The following NCKAP5 variants were observed in gnomAD, a reference collection of about 807,000 sequenced individuals.
The protein encoded by NCKAP5 is NCK associated protein 5.
NCKAP5 carries 92 observed loss-of-function variants against 167.0 expected under a neutral mutation model. That is an observed-to-expected ratio of 0.55 (90% CI 0.47 to 0.66). The LOEUF is 0.66. NCKAP5 is among the 30% of genes least tolerant of loss of function. The pLI is 0.00. For missense variants in NCKAP5, 2,378 were observed against 2,315.0 expected, an observed-to-expected ratio of 1.03 and a Z score of -0.56; for synonymous variants, 891 against 877.4, an observed-to-expected ratio of 1.02 and a Z score of -0.27.
chr2:133,443,722 G>T (rs1001005837), intron 3 of NCKAP5, among the ~76,000 whole-genome samples: 1 of 152,144 alleles, frequency 6.6e-6, no homozygotes, highest in Non-Finnish European at 1.5e-5. Flanking sequence ...CTTCAAACCT[G>T]CTCTTTCTTC....
chr2:133,019,877 G>A (rs928569327), intron 6 of NCKAP5, among the ~76,000 whole-genome samples: 2 of 152,216 alleles, frequency 1.3e-5, no homozygotes, highest in African/African-American at 4.8e-5. Flanking sequence ...CTTCCTTAGT[G>A]AAATCTGACA....
chr2:133,439,156 C>T (rs567661193), intron 3 of NCKAP5, among the ~76,000 whole-genome samples: 2 of 152,258 alleles, frequency 1.3e-5, no homozygotes, highest in Non-Finnish European at 2.9e-5. Context: ...ATCCTGATCT[C>T]GGGATATTAC....
chr2:132,938,940 G>A (rs1031870040), intron 8 of NCKAP5, among the ~76,000 whole-genome samples: 2 of 152,068 alleles, frequency 1.3e-5, no homozygotes, highest in Non-Finnish European at 2.9e-5. Flanking sequence ...ACATTCAAAT[G>A]TTTGAAAATT....
chr2:133,206,001 A>G (rs954037093), intron 5 of NCKAP5, among the ~76,000 whole-genome samples: 5 of 152,202 alleles, frequency 3.3e-5, no homozygotes, highest in Non-Finnish European at 7.3e-5. Flanking sequence ...TTACTTGCAA[A>G]TAATCTAAAC....
chr2:132,839,783 C>T (rs1267734250), intron 11 of NCKAP5, among the ~76,000 whole-genome samples: 2 of 134,000 alleles, frequency 1.5e-5, no homozygotes, highest in Non-Finnish European at 3.2e-5. Context: ...AAAAAAAAGG[C>T]GCAAATAACT....
chr2:133,049,285 C>T (rs896964767), intron 6 of NCKAP5, among the ~76,000 whole-genome samples: 1 of 152,184 alleles, frequency 6.6e-6, no homozygotes, highest in African/African-American at 2.4e-5. Flanking sequence ...GTGGCTCACA[C>T]CTGTAATCCC....
chr2:133,369,212 A>G (rs1685643895), intron 3 of NCKAP5, among the ~76,000 whole-genome samples: 2 of 152,240 alleles, frequency 1.3e-5, no homozygotes, highest in South Asian at 4.1e-4. Flanking sequence ...TGAATGTTCC[A>G]GAAGTGGCAT....
chr2:133,177,789 A>G (rs77937209), intron 5 of NCKAP5, among the ~76,000 whole-genome samples: 2,293 of 152,154 alleles, frequency 0.015, 63 homozygotes, highest in African/African-American at 0.052. Context: ...CATCCCCACA[A>G]TGTAAGTGGA....
At chr2:133,341,986 T>G (rs1225053951) in intron 3 of NCKAP5, among the ~76,000 whole-genome samples, 1 of 152,156 alleles carries the variant, frequency 6.6e-6, no homozygotes, top group Admixed American at 6.5e-5. Context: ...TTACCCAGGC[T>G]GGAGTGCAGC....
intron 6 of NCKAP5, among the ~76,000 whole-genome samples, chr2:133,019,015 A>G (rs1178974956): frequency 6.6e-6 from 1 of 152,192 alleles, no homozygotes; most frequent in Admixed American, 6.5e-5. Context: ...TGGAAACCAT[A>G]TTAATGAAGA....
chr2:132,784,394 CT>C lies in NCKAP5; in HGVS notation c.2416del (p.Arg806GlyfsTer11). On this transcript the variant is annotated frameshift_variant, in exon 14 of 20. Transcript: ENST00000409261. LOFTEE classifies it high-confidence loss of function. ...QKQNLTKIPP[R>X]GKSSPQKSKL... ...TGATTTCTGAGGTGAAGACTTGCCC[CT>C]GGGAGGTATTTTTGTCAGATTTTGC... 3 of 1,613,618 alleles carry C rather than the reference CT, an allele frequency of 1.9e-6. No homozygotes were observed. Among genetic ancestry groups the C allele is most frequent in the Non-Finnish European group, 2.5e-6 (3 of 1,179,792 alleles).
chr2:133,493,682 T>C lies in NCKAP5; in HGVS notation c.69+23776A>G, dbSNP rs144918386. Among the ~76,000 whole-genome samples, 111 of 152,266 alleles carry C rather than the reference T, an allele frequency of 7.3e-4. 1 individual carries two copies. Among genetic ancestry groups the C allele is most frequent in the African/African-American group, 2.5e-3 (102 of 41,540 alleles). The stretch of plus-strand genomic sequence containing the variant: ...TCACAGTTGCAAAGCAGTTTGTGTT[T>C]AGTCATCGTCATCTACACAATTAAA... On this transcript the variant is annotated intron_variant, in intron 3 of 19. Transcript: ENST00000409261.
chr2:132,862,824 A>T (rs1166631515), intron 10 of NCKAP5, among the ~76,000 whole-genome samples: 3 of 150,388 alleles, frequency 2.0e-5, no homozygotes, highest in African/African-American at 7.3e-5. Flanking sequence ...TATTTATTTT[A>T]TTTTATTTTA....
intron 11 of NCKAP5, among the ~76,000 whole-genome samples, chr2:132,833,007 G>A (rs1205592601): frequency 6.6e-6 from 1 of 152,040 alleles, no homozygotes; most frequent in African/African-American, 2.4e-5. Context: ...CAGTATACAA[G>A]CATTCCTTTT....
intron 19 of NCKAP5, among the ~76,000 whole-genome samples, chr2:132,682,599 A>G (rs1340167874): frequency 6.6e-6 from 1 of 152,206 alleles, no homozygotes; most frequent in African/African-American, 2.4e-5. Flanking sequence ...TTGTTGAGTT[A>G]GAATCATCTA....
At chr2:133,341,912 T>C (rs1034728924) in intron 3 of NCKAP5, among the ~76,000 whole-genome samples, 2 of 152,214 alleles carry the variant, frequency 1.3e-5, no homozygotes, top group Admixed American at 1.3e-4. Context: ...AAGCCATGAC[T>C]AATGAATAGA....
chr2:133,539,876 GA>G (rs1487485296), intron 2 of NCKAP5, among the ~76,000 whole-genome samples: 2 of 152,096 alleles, frequency 1.3e-5, no homozygotes, highest in Non-Finnish European at 2.9e-5. Context: ...CAAAACAGAA[GA>G]ACATGTGAAA....
At chr2:133,633,677 G>A in the NCKAP5 span, among the ~76,000 whole-genome samples, 32 of 152,110 alleles carry the variant, frequency 2.1e-4, no homozygotes, top group African/African-American at 7.0e-4. Context: ...GGACAGTATC[G>A]GCTTCATTTT....
At chr2:132,816,383 GC>G (rs1226428161) in intron 11 of NCKAP5, among the ~76,000 whole-genome samples, 1 of 152,064 alleles carries the variant, frequency 6.6e-6, no homozygotes, top group Non-Finnish European at 1.5e-5. Context: ...GGTTCGTTTT[GC>G]CAATGCTGAG....
Sources: gnomAD v4.1 joint callset for allele counts (sites outside exome capture counted in the v4.1 genomes callset) on GRCh38, gnomAD v4.1.1 for gene constraint, MANE v1.5 for transcripts, NCBI Gene and HGNC (gene_info 2026-07-23, HGNC 2026-07-21) for gene names.